The following CERS4 variants were observed in gnomAD, a reference collection of about 807,000 sequenced individuals.
The protein encoded by CERS4 is ceramide synthase 4, also known as LAG1 homolog, ceramide synthase 4.
A neutral mutation model predicts 51.8 loss-of-function variants in CERS4; 65 were observed. The observed-to-expected ratio is 1.26, with a 90% CI of 1.03 to 1.54. The LOEUF (loss-of-function observed/expected upper bound fraction) is 1.54. CERS4 is among the 40% of genes most tolerant of loss of function. The probability of loss-of-function intolerance (pLI) is 0.00; values close to 1 mark genes in which losing one functional copy is unlikely to be tolerated. For missense variants in CERS4, 563 were observed against 500.4 expected, an observed-to-expected ratio of 1.13 and a Z score of -1.19; for synonymous variants, 228 against 208.4, an observed-to-expected ratio of 1.09 and a Z score of -0.81.
intron 2 of CERS4, among the ~76,000 whole-genome samples, chr19:8,236,273 G>A (rs1461608346): frequency 3.9e-5 from 6 of 152,212 alleles, no homozygotes; most frequent in African/African-American, 1.2e-4. Context: ...GTGTACCAGA[G>A]TTTTGTTAGT....
At chr19:8,213,109 C>G (rs181536874) in intron 2 of CERS4, among the ~76,000 whole-genome samples, 104 of 150,622 alleles carry the variant, frequency 6.9e-4, no homozygotes, top group Admixed American at 2.2e-3. Context: ...GTGCGATCTT[C>G]GCCCACTGCA....
intron 7 of CERS4, 62 bp from the exon 8 acceptor site, chr19:8,256,556 C>T: frequency 6.8e-7 from 1 of 1,479,506 alleles, no homozygotes; most frequent in Non-Finnish European, 9.3e-7. Flanking sequence ...GGCCCGGAGC[C>T]ATACCCCTGC....
At chr19:8,246,888 G>A (rs1599567166) in intron 2 of CERS4, among the ~76,000 whole-genome samples, 1 of 152,066 alleles carries the variant, frequency 6.6e-6, no homozygotes, top group East Asian at 1.9e-4. Context: ...GGGGAAGGCC[G>A]GGCGCGGTGG....
At chr19:8,260,968 A>AAAAAC (rs1969662167) in intron 10 of CERS4, 1 of 147,658 alleles carries the variant, frequency 6.8e-6, no homozygotes, top group Non-Finnish European at 1.5e-5. Flanking sequence ...AAAAAAAAAA[A>AAAAAC]AAAAAAAAAC....
chr19:8,225,417 C>CT lies in CERS4; in HGVS notation c.-2+14575dup, dbSNP rs35365775. On this transcript the variant is annotated intron_variant, in intron 2 of 11. Transcript: ENST00000251363. ...AGGCAAGTCCTGTTTTCCAATAATT[C>CT]TTTTTTTTTTTTTTTTTTTTGAGAC... 2.0e-3 allele frequency among the ~76,000 whole-genome samples: 227 copies of CT among 113,842 alleles called. 2 individuals are homozygous for CT. The highest frequency in any genetic ancestry group is 2.3e-3 in the South Asian group (8 of 3,534). The allele number at this position is 113,842 out of a possible 152,430, so 74.7% of individuals were successfully genotyped here. A position where few individuals can be genotyped will look rare whatever the true frequency, so the allele number is the denominator to read the frequency against.
Position 8,255,893 on chromosome 19 carries a change from A to T in CERS4, c.468+14A>T, listed in dbSNP as rs772540583. 6.2e-6 allele frequency: 10 copies of T among 1,613,292 alleles called. No homozygotes were observed. In the Admixed American group the frequency reaches 1.5e-4, roughly 24 times the overall value. On this transcript the variant is annotated intron_variant, in intron 6 of 11. Transcript: ENST00000251363. ...GTCCTGTACCACGTGAGTATACCAG[A>T]GTATAGCTGACTGCTCACCTGCCCC...
chr19:8,224,172 G>T (rs1454184310), intron 2 of CERS4, among the ~76,000 whole-genome samples: 3 of 149,112 alleles, frequency 2.0e-5, no homozygotes, highest in African/African-American at 7.4e-5. Context: ...ACTTTGGGAG[G>T]CCAAGGCGGG....
chr19:8,260,738 T>G (rs1969641008), intron 10 of CERS4, among the ~76,000 whole-genome samples: 1 of 150,766 alleles, frequency 6.6e-6, no homozygotes, highest in African/African-American at 2.4e-5. Flanking sequence ...TCACTTGAGG[T>G]CAGGAGTTCC....
chr19:8,245,642 C>A (rs1968746807), intron 2 of CERS4, among the ~76,000 whole-genome samples: 1 of 151,946 alleles, frequency 6.6e-6, no homozygotes, highest in Non-Finnish European at 1.5e-5. Context: ...CGGGTTCAAG[C>A]AATTCTCCTG....
chr19:8,252,064 T>TA (rs35675044), intron 3 of CERS4, among the ~76,000 whole-genome samples: 42,623 of 148,416 alleles, frequency 0.29, 7,491 homozygotes, highest in Non-Finnish European at 0.41. Context: ...TCATCTCTAT[T>TA]AAAAAAAAAA....
chr19:8,238,718 G>A (rs552973419), intron 2 of CERS4, among the ~76,000 whole-genome samples: 2 of 152,210 alleles, frequency 1.3e-5, no homozygotes, highest in South Asian at 2.1e-4. Context: ...CCAAGAAGAT[G>A]CAATAGGGGA....
chr19:8,252,064 T>TAA (rs35675044), intron 3 of CERS4, among the ~76,000 whole-genome samples: 6,814 of 148,580 alleles, frequency 0.046, 399 homozygotes, highest in African/African-American at 0.14. Flanking sequence ...TCATCTCTAT[T>TAA]AAAAAAAAAA....
intron 2 of CERS4, among the ~76,000 whole-genome samples, chr19:8,224,826 T>C (rs1010735182): frequency 1.3e-5 from 2 of 151,964 alleles, no homozygotes; most frequent in African/African-American, 4.8e-5. Context: ...AATGAGGAGC[T>C]GAGTGCCGAG....
In CERS4 at chr19:8,254,499, A is replaced by T; in HGVS notation, c.174A>T (p.Arg58Ser). 1 of 1,613,590 alleles carries T rather than the reference A, an allele frequency of 6.2e-7. No individual in the cohort carries two copies. The highest frequency in any genetic ancestry group is 2.2e-5 in the East Asian group (1 of 44,862). The change falls in exon 4 of 12, where the codon AGA becomes AGT. Residue 58 changes from arginine to serine, a missense_variant and splice_region_variant. Coordinates refer to ENST00000251363, the MANE Select transcript of CERS4 (RefSeq NM_024552.3). ...VLLAMRLAFE[R>S]FIGLPLSRWL... Reference sequence around the variant, plus strand: ...TAGGCTCTGTCTCCTTTGCACCCAGATTCATTGGCCTGCCCCTGAGCCGGT... The same window carrying T: ...TAGGCTCTGTCTCCTTTGCACCCAGTTTCATTGGCCTGCCCCTGAGCCGGT...
At chr19:8,257,147 G>A in intron 9 of CERS4, 70 bp downstream of exon 9, 3 of 1,475,644 alleles carry the variant, frequency 2.0e-6, no homozygotes, top group Non-Finnish European at 2.7e-6. Flanking sequence ...CAGAGATGAG[G>A]TCCCATTCCT....
At chr19:8,247,841 C>G (rs903472535) in intron 2 of CERS4, among the ~76,000 whole-genome samples, 1 of 150,758 alleles carries the variant, frequency 6.6e-6, no homozygotes, top group African/African-American at 2.4e-5. Flanking sequence ...TCAAGTGATT[C>G]TCCTGCCTCA....
intron 6 of CERS4, 148 bp downstream of exon 6, chr19:8,256,027 C>A: frequency 2.0e-6 from 2 of 979,772 alleles, no homozygotes; most frequent in Non-Finnish European, 3.1e-6. Context: ...GGTGAATGTT[C>A]ACTCAACAGG....
chr19:8,233,200 C>G (rs762593649), intron 2 of CERS4, among the ~76,000 whole-genome samples: 3 of 151,912 alleles, frequency 2.0e-5, no homozygotes, highest in African/African-American at 4.8e-5. Flanking sequence ...GAGTCTTGCT[C>G]TGTCACCCAG....
At chr19:8,240,202 CTGGGGAGGCAGAGG>C (rs927684553) in intron 2 of CERS4, among the ~76,000 whole-genome samples, 3 of 152,138 alleles carry the variant, frequency 2.0e-5, no homozygotes, top group East Asian at 3.9e-4. Flanking sequence ...ATGGATTAAG[CTGGGGAGGCAGAGG>C]TGGGGAGGCA....
Sources: allele counts gnomAD v4.1 joint callset (sites outside exome capture counted in the v4.1 genomes callset), GRCh38; gene constraint gnomAD v4.1.1; transcripts MANE v1.5; gene names NCBI Gene and HGNC (gene_info 2026-07-23, HGNC 2026-07-21).